The following ITPR1 variants were observed in gnomAD, a reference collection of about 807,000 sequenced individuals.
ITPR1 encodes inositol 1,4,5-trisphosphate receptor type 1, also known as inositol 1,4,5-trisphosphate-gated calcium channel ITPR1.
In ITPR1, 96 loss-of-function variants were observed where a neutral mutation model predicts 318.4. The observed-to-expected ratio is 0.30, with a 90% CI of 0.26 to 0.36. The LOEUF (loss-of-function observed/expected upper bound fraction) is 0.36. Among genes scored for constraint, ITPR1 ranks in the 10% least tolerant of loss-of-function variants. ITPR1 has a pLI of 1.00. For missense variants in ITPR1, 2,440 were observed against 3,460.2 expected, an observed-to-expected ratio of 0.71 and a Z score of 7.40; for synonymous variants, 1,312 against 1,289.9, an observed-to-expected ratio of 1.02 and a Z score of -0.37.
chr3:4,514,258 AAG>A (rs2082034618), intron 2 of ITPR1, among the ~76,000 whole-genome samples: 1 of 152,208 alleles, frequency 6.6e-6, no homozygotes, highest in South Asian at 2.1e-4. Context: ...AGGATTCACT[AAG>A]AGAACATTTG....
At chr3:4,546,165 A>G (rs2084975907) in intron 4 of ITPR1, among the ~76,000 whole-genome samples, 1 of 152,018 alleles carries the variant, frequency 6.6e-6, no homozygotes, top group African/African-American at 2.4e-5. Flanking sequence ...AATGATGTAA[A>G]TTTTTCCCCC....
chr3:4,690,949 T>C (rs374723219), intron 31 of ITPR1, among the ~76,000 whole-genome samples, 195 bp from the exon 32 acceptor site: 2 of 152,176 alleles, frequency 1.3e-5, no homozygotes, highest in South Asian at 4.1e-4. Flanking sequence ...TTTCTGTATG[T>C]TTATTTATAT....
chr3:4,610,969 TTCC>T (rs2092053283), intron 4 of ITPR1, among the ~76,000 whole-genome samples: 1 of 49,330 alleles, frequency 2.0e-5, no homozygotes, highest in African/African-American at 9.4e-5. Context: ...CCCTTCCCCC[TTCC>T]CCCTCCTTCT....
At chr3:4,845,929 A>G (rs1394202796) in intron 61 of ITPR1, among the ~76,000 whole-genome samples, 1 of 152,226 alleles carries the variant, frequency 6.6e-6, no homozygotes, top group African/African-American at 2.4e-5. Context: ...TCTGAATGTT[A>G]CATTGCATGA....
chr3:4,614,646 A>G (rs557754381), intron 4 of ITPR1, among the ~76,000 whole-genome samples: 86 of 152,318 alleles, frequency 5.6e-4, no homozygotes, highest in African/African-American at 2.0e-3. Context: ...TAGTGCTTCC[A>G]GGTCTAGATT....
intron 60 of ITPR1, chr3:4,830,960 C>G (rs1220783241): frequency 2.2e-6 from 1 of 456,638 alleles, no homozygotes; most frequent in African/African-American, 2.0e-5. Context: ...AGCAGACTTT[C>G]TCTGAGGAGG....
intron 5 of ITPR1, among the ~76,000 whole-genome samples, chr3:4,628,340 T>C (rs1014106139): frequency 1.3e-5 from 2 of 152,228 alleles, no homozygotes; most frequent in Non-Finnish European, 2.9e-5. Flanking sequence ...TGGCACATAA[T>C]AAATGCTTGA....
intron 4 of ITPR1, among the ~76,000 whole-genome samples, chr3:4,598,826 G>T (rs1021302285): frequency 6.6e-6 from 1 of 152,134 alleles, no homozygotes; most frequent in East Asian, 1.9e-4. Flanking sequence ...GCAATTTTAT[G>T]TCATTTCCTG....
chr3:4,680,533 A>G lies in ITPR1; in HGVS notation c.2968-20A>G. On this transcript the variant is annotated intron_variant, in intron 24 of 61. Transcript: ENST00000649015. ...ATGTTAATGTAACCAATCTGTTTCCATTTCCACTTGAATCTTTAGTTTATT... is the reference window on the plus strand; with the variant it reads ...ATGTTAATGTAACCAATCTGTTTCCGTTTCCACTTGAATCTTTAGTTTATT... 6.2e-7 allele frequency: 1 copy of G among 1,611,538 alleles called. No individual in the cohort carries two copies. Among genetic ancestry groups the G allele is most frequent in the Non-Finnish European group, 8.5e-7 (1 of 1,177,944 alleles).
intron 4 of ITPR1, among the ~76,000 whole-genome samples, chr3:4,545,577 T>C (rs1258168432): frequency 1.4e-5 from 2 of 142,850 alleles, no homozygotes; most frequent in African/African-American, 2.7e-5. Context: ...GAGCCATGAC[T>C]GTGCCACTGC....
intron 49 of ITPR1, among the ~76,000 whole-genome samples, chr3:4,781,136 C>G (rs1367162508): frequency 6.6e-6 from 1 of 152,202 alleles, no homozygotes; most frequent in Non-Finnish European, 1.5e-5. Flanking sequence ...GAAACAAGCT[C>G]AGACAGTGAG....
chr3:4,561,259 C>G (rs572421106), intron 4 of ITPR1, among the ~76,000 whole-genome samples: 1 of 152,274 alleles, frequency 6.6e-6, no homozygotes, highest in South Asian at 2.1e-4. Flanking sequence ...TCTATCTTAA[C>G]AAGTGCAGCA....
chr3:4,776,210 C>A (rs1432649381), intron 47 of ITPR1, among the ~76,000 whole-genome samples: 2 of 152,188 alleles, frequency 1.3e-5, no homozygotes, highest in East Asian at 3.8e-4. Context: ...GCTGGGACTA[C>A]AGGTGCATGC....
intron 4 of ITPR1, among the ~76,000 whole-genome samples, chr3:4,577,985 G>A (rs906669180): frequency 6.6e-6 from 1 of 152,224 alleles, no homozygotes; most frequent in Admixed American, 6.5e-5. Flanking sequence ...TTGAAGGATA[G>A]TTGCATTTTT....
intron 4 of ITPR1, among the ~76,000 whole-genome samples, chr3:4,608,053 A>C (rs1306168842): frequency 6.6e-6 from 1 of 152,064 alleles, no homozygotes; most frequent in African/African-American, 2.4e-5. Flanking sequence ...ATGTCTCCCA[A>C]AGTTAGCTTT....
rs189251953 is a variant in ITPR1, at chr3:4,752,567, G to A, written c.5545-13963G>A. 2.1e-3 allele frequency among the ~76,000 whole-genome samples: 320 copies of A among 152,314 alleles called. 4 individuals carry two copies. Among genetic ancestry groups the A allele is most frequent in the Admixed American group, 0.016 (251 of 15,300 alleles). ...GAGCTTTCACATGCAGGCTTCTTCT[G>A]GCCATAAAGTTATACTTCAGCTGCC... On this transcript the variant is annotated intron_variant, in intron 44 of 61. Transcript: ENST00000649015.
At chr3:4,720,298 G>T (rs978217889) in intron 40 of ITPR1, among the ~76,000 whole-genome samples, 3 of 152,306 alleles carry the variant, frequency 2.0e-5, no homozygotes, top group Admixed American at 2.0e-4. Context: ...GAAAGGAGAA[G>T]CTCATGGAAT....
At chr3:4,642,319 T>C (rs2093356090) in intron 7 of ITPR1, 68 bp downstream of exon 7, 2 of 1,260,066 alleles carry the variant, frequency 1.6e-6, no homozygotes, top group African/African-American at 1.5e-5. Flanking sequence ...TATATTAGAG[T>C]TAAGGAGGAG....
At chr3:4,707,366 G>T (rs62231595) in intron 37 of ITPR1, among the ~76,000 whole-genome samples, 18,952 of 152,246 alleles carry the variant, frequency 0.12, 1,519 homozygotes, top group Non-Finnish European at 0.18. Context: ...ATATTTGGCA[G>T]TTGATGCTGG....
Sources: allele counts gnomAD v4.1 joint callset (sites outside exome capture counted in the v4.1 genomes callset), GRCh38; gene constraint gnomAD v4.1.1; transcripts MANE v1.5; gene names NCBI Gene and HGNC (gene_info 2026-07-23, HGNC 2026-07-21).